LMNTD1: variants seen among roughly 807,000 people sequenced by gnomAD.
LMNTD1 encodes the protein lamin tail domain-containing protein 1.
LMNTD1 carries 35 observed loss-of-function variants against 50.9 expected under a neutral mutation model. That is an observed-to-expected ratio of 0.69 (90% CI 0.53 to 0.91). The LOEUF is 0.91. Ranked by LOEUF, LMNTD1 falls within the 40% of genes least tolerant of loss-of-function variation. The probability of loss-of-function intolerance (pLI) is 0.00; values close to 1 mark genes in which losing one functional copy is unlikely to be tolerated. For missense variants in LMNTD1, 470 were observed against 475.5 expected, an observed-to-expected ratio of 0.99 and a Z score of 0.11; for synonymous variants, 153 against 161.9, an observed-to-expected ratio of 0.94 and a Z score of 0.42.
chr12:25,566,392 C>T (rs764606508), intron 1 of LMNTD1, among the ~76,000 whole-genome samples: 3 of 152,096 alleles, frequency 2.0e-5, no homozygotes, highest in Non-Finnish European at 2.9e-5. Flanking sequence ...TCCACGTTTT[C>T]GCAAGTGCCA....
At chr12:25,630,610 T>C (rs568575003) in intron 1 of LMNTD1, 153 of 152,288 alleles carry the variant, frequency 1.0e-3, no homozygotes, top group African/African-American at 3.4e-3. Context: ...GCTGAGTCAA[T>C]TTAGAGAGCT....
intron 1 of LMNTD1, among the ~76,000 whole-genome samples, chr12:25,580,218 T>C (rs1334766652): frequency 6.6e-6 from 1 of 152,190 alleles, no homozygotes; most frequent in African/African-American, 2.4e-5. Context: ...CTCTATTTTG[T>C]AGTTTTTCAT....
upstream of LMNTD1, among the ~76,000 whole-genome samples, chr12:25,557,633 T>A (rs1449261450): frequency 6.6e-6 from 1 of 152,238 alleles, no homozygotes; most frequent in Non-Finnish European, 1.5e-5. Context: ...ACATTTGCTC[T>A]TATTTGCAGA....
chr12:25,541,346 CA>C (rs1943058417), intron 4 of LMNTD1, among the ~76,000 whole-genome samples: 1 of 147,354 alleles, frequency 6.8e-6, no homozygotes, highest in Admixed American at 7.0e-5. Flanking sequence ...GCTACCAAAA[CA>C]GCATGGTACT....
At chr12:25,488,453 G>A (rs1453104909) in intron 9 of LMNTD1, among the ~76,000 whole-genome samples, 8 of 142,982 alleles carry the variant, frequency 5.6e-5, no homozygotes, top group Admixed American at 1.4e-4. Flanking sequence ...CATTCTTCAC[G>A]TAGTTCTCGA....
At chr12:25,591,858 A>AGAGAGAGAGAGAGAGAGT (rs1945710122) in intron 1 of LMNTD1, among the ~76,000 whole-genome samples, 1 of 146,020 alleles carries the variant, frequency 6.8e-6, no homozygotes. Context: ...AGAGAGAGAG[A>AGAGAGAGAGAGAGAGAGT]CTCTATTTAT....
chr12:25,534,929 T>C (rs1444547766), intron 4 of LMNTD1, among the ~76,000 whole-genome samples: 1 of 151,934 alleles, frequency 6.6e-6, no homozygotes, highest in Non-Finnish European at 1.5e-5. Flanking sequence ...ACTCAAGAAA[T>C]GAAAATTCAT....
intron 1 of LMNTD1, among the ~76,000 whole-genome samples, chr12:25,618,688 A>G (rs1946398601): frequency 6.6e-6 from 1 of 152,226 alleles, no homozygotes; most frequent in Admixed American, 6.5e-5. Flanking sequence ...AATTTACTCT[A>G]TACTTGGTAA....
At chr12:25,569,714 A>G (rs1408666223) in intron 1 of LMNTD1, among the ~76,000 whole-genome samples, 3 of 152,122 alleles carry the variant, frequency 2.0e-5, no homozygotes, top group Admixed American at 6.6e-5. Flanking sequence ...GTTGTTTAAA[A>G]GTGTATAGCA....
rs923161933 is a variant in LMNTD1, at chr12:25,551,757, G to A, written c.89+1114C>T. 2.0e-5 allele frequency among the ~76,000 whole-genome samples: 3 copies of A among 152,118 alleles called. No homozygotes were observed. The South Asian group carries it at 6.2e-4, about 31-fold the overall frequency. ...GCTGAGACATTTCAGGAACAAACTC[G>A]TGTGATACAGCCCATCACCTGAACC... On this transcript the variant is annotated intron_variant, in intron 2 of 9. Transcript: ENST00000458174.
chr12:25,508,696 T>G (rs962768938), intron 8 of LMNTD1, among the ~76,000 whole-genome samples: 1 of 152,200 alleles, frequency 6.6e-6, no homozygotes, highest in Non-Finnish European at 1.5e-5. Flanking sequence ...TATTCATTTT[T>G]CTTGCCTTAT....
At chr12:25,577,719 T>C (rs1175956317) in intron 1 of LMNTD1, among the ~76,000 whole-genome samples, 1 of 152,198 alleles carries the variant, frequency 6.6e-6, no homozygotes, top group Non-Finnish European at 1.5e-5. Flanking sequence ...TCCAACACTA[T>C]GTTGAATAGG....
intron 1 of LMNTD1, among the ~76,000 whole-genome samples, chr12:25,614,937 A>G (rs1018674638): frequency 4.6e-5 from 7 of 152,122 alleles, no homozygotes; most frequent in African/African-American, 1.7e-4. Flanking sequence ...CTGGGTTCTA[A>G]TCGCCTCTTC....
intron 4 of LMNTD1, among the ~76,000 whole-genome samples, chr12:25,538,574 C>T (rs1427039062): frequency 5.7e-4 from 80 of 140,558 alleles, no homozygotes; most frequent in African/African-American, 1.7e-3. Flanking sequence ...CTGAAGGAAG[C>T]GCTAAACATG....
chr12:25,597,929 G>A (rs1464050959), intron 1 of LMNTD1, among the ~76,000 whole-genome samples: 1 of 152,124 alleles, frequency 6.6e-6, no homozygotes, highest in Non-Finnish European at 1.5e-5. Flanking sequence ...ATCCCCACTT[G>A]TTGTGGGAGG....
At chr12:25,584,858 G>A (rs1565502810) in intron 1 of LMNTD1, among the ~76,000 whole-genome samples, 1 of 152,146 alleles carries the variant, frequency 6.6e-6, no homozygotes, top group African/African-American at 2.4e-5. Flanking sequence ...TTCCATGGCT[G>A]AAAAATACAA....
intron 1 of LMNTD1, chr12:25,585,926 A>C (rs528031664): frequency 6.6e-6 from 1 of 152,254 alleles, no homozygotes; most frequent in Admixed American, 6.5e-5. Flanking sequence ...AGATGAAGAA[A>C]CTAAGTCGCA....
chr12:25,635,571 T>C (rs1201391996), intron 1 of LMNTD1, among the ~76,000 whole-genome samples: 1 of 152,162 alleles, frequency 6.6e-6, no homozygotes, highest in East Asian at 1.9e-4. Flanking sequence ...AAAAGCAATC[T>C]ACAAATTCAA....
At chr12:25,645,316 A>C (rs1489111231) in intron 1 of LMNTD1, among the ~76,000 whole-genome samples, 1 of 152,192 alleles carries the variant, frequency 6.6e-6, no homozygotes, top group Non-Finnish European at 1.5e-5. Context: ...AGAGTAGTGA[A>C]AATTGTGAAA....
Sources: allele counts gnomAD v4.1 joint callset (sites outside exome capture counted in the v4.1 genomes callset), GRCh38; gene constraint gnomAD v4.1.1; transcripts MANE v1.5; gene names NCBI Gene and HGNC (gene_info 2026-07-23, HGNC 2026-07-21).